The following FER variants were observed in gnomAD, a reference collection of about 807,000 sequenced individuals.
FER encodes FER tyrosine kinase, also known as tyrosine-protein kinase Fer.
Under a neutral mutation model 111.0 loss-of-function variants are expected in FER, and 63 were observed. The ratio of observed to expected loss-of-function variants is 0.57; its 90% CI spans 0.46 to 0.70. FER has a LOEUF of 0.70. Among genes scored for constraint, FER ranks in the 30% least tolerant of loss-of-function variants. FER has a pLI of 0.00. For missense variants in FER, 914 were observed against 954.0 expected, an observed-to-expected ratio of 0.96 and a Z score of 0.55; for synonymous variants, 327 against 313.9, an observed-to-expected ratio of 1.04 and a Z score of -0.44.
chr5:109,036,346 T>A (rs992088636), intron 13 of FER, among the ~76,000 whole-genome samples: 1 of 152,116 alleles, frequency 6.6e-6, no homozygotes, highest in African/African-American at 2.4e-5. Context: ...TGTTGTCCCT[T>A]TGTTGACCTA....
At chr5:108,841,755 C>G (rs577536487) in intron 5 of FER, 2 of 319,366 alleles carry the variant, frequency 6.3e-6, no homozygotes, top group Non-Finnish European at 1.2e-5. Context: ...GAGTGAGAGC[C>G]AAGTGGGAGG....
intron 9 of FER, among the ~76,000 whole-genome samples, chr5:108,894,049 A>C (rs1395464133): frequency 6.6e-6 from 1 of 150,704 alleles, no homozygotes; most frequent in South Asian, 2.1e-4. Context: ...AATGAATCAC[A>C]TGCTGCCCCT....
chr5:108,849,024 T>A (rs1049719800), intron 5 of FER, among the ~76,000 whole-genome samples: 5 of 126,088 alleles, frequency 4.0e-5, no homozygotes, highest in African/African-American at 1.8e-4. Context: ...CTAATCCTTA[T>A]CTTAGTTGCT....
intron 16 of FER, among the ~76,000 whole-genome samples, chr5:109,062,998 C>CCT (rs1774619816): frequency 6.6e-6 from 1 of 152,120 alleles, no homozygotes; most frequent in Non-Finnish European, 1.5e-5. Context: ...ATTTATCTCA[C>CCT]CTCTGTAACA....
chr5:108,904,748 A>G (rs912541477), intron 10 of FER, among the ~76,000 whole-genome samples: 81 of 152,120 alleles, frequency 5.3e-4, no homozygotes, highest in African/African-American at 1.7e-3. Flanking sequence ...TTTAGATTTT[A>G]CTGTCAAAAA....
intron 3 of FER, among the ~76,000 whole-genome samples, chr5:108,815,765 A>G (rs1020397315): frequency 2.0e-5 from 3 of 152,228 alleles, no homozygotes; most frequent in African/African-American, 7.2e-5. Context: ...AAAGTAATGA[A>G]AAATGCTTTT....
chr5:108,853,483 A>G (rs1208999365), intron 5 of FER, among the ~76,000 whole-genome samples: 2 of 152,246 alleles, frequency 1.3e-5, no homozygotes, highest in African/African-American at 2.4e-5. Context: ...TGAGAAGATG[A>G]TCATGTATTC....
At position 109,182,394 on chromosome 5, in the gene FER, T is replaced by G. The variant is rs185902575; in HGVS notation, c.2203+1493T>G. ...TCTAGTGATTGCAAGCCAGTTCCACTATTCCTTAGAATCTAGAAAAAATGG... is the reference window on the plus strand; with the variant it reads ...TCTAGTGATTGCAAGCCAGTTCCACGATTCCTTAGAATCTAGAAAAAATGG... On this transcript the variant is annotated intron_variant, in intron 18 of 19. Coordinates refer to ENST00000281092, the MANE Select transcript of FER (RefSeq NM_005246.4). Among the ~76,000 whole-genome samples the G allele has an allele frequency of 9.0e-4, 137 of 152,344 alleles. 1 individual carries two copies. The highest frequency in any genetic ancestry group is 3.0e-3 in the African/African-American group (124 of 41,586).
rs1025936594 is a variant in FER, at chr5:108,912,720, A to C, written c.1236+14872A>C. ...TGGTTGTAATCACAGACATGACGCT[A>C]TGAAAGAAGAGCAAAACAAGAAAGG... is the stretch of plus-strand genomic sequence containing the variant. On this transcript the variant is annotated intron_variant, in intron 10 of 19. Coordinates refer to ENST00000281092, the MANE Select transcript of FER (RefSeq NM_005246.4). Among the ~76,000 whole-genome samples the C allele has an allele frequency of 3.9e-5, 6 of 152,274 alleles. No homozygotes were observed. The South Asian group carries it at 1.2e-3, about 32-fold the overall frequency.
rs1038022867 is a variant in FER at position 109,101,570 on chromosome 5, T to C, written c.2048+1051T>C. On this transcript the variant is annotated intron_variant, in intron 17 of 19. Transcript: ENST00000281092. ...CAGCTTTATTCTGAAACTATAATTA[T>C]GACCTGTATTTTAAATATGGTTCAA... is the stretch of plus-strand genomic sequence containing the variant. Among the ~76,000 whole-genome samples the C allele has an allele frequency of 7.8e-4, 118 of 152,246 alleles. 2 individuals carry two copies. The highest frequency in any genetic ancestry group is 2.8e-3 in the African/African-American group (116 of 41,578).
chr5:109,066,220 G>C (rs1775073574), intron 16 of FER, among the ~76,000 whole-genome samples: 1 of 152,082 alleles, frequency 6.6e-6, no homozygotes, highest in Admixed American at 6.5e-5. Flanking sequence ...CCTGCTACCA[G>C]CAAGTGGTTG....
intron 10 of FER, among the ~76,000 whole-genome samples, chr5:108,903,023 C>G (rs911633847): frequency 6.6e-6 from 1 of 151,872 alleles, no homozygotes; most frequent in South Asian, 2.1e-4. Context: ...AATTGGACTT[C>G]GTTTTCCCTT....
intron 10 of FER, among the ~76,000 whole-genome samples, chr5:108,928,216 T>A (rs1754061823): frequency 6.6e-6 from 1 of 152,216 alleles, no homozygotes; most frequent in South Asian, 2.1e-4. Flanking sequence ...AGAATTCTAG[T>A]GCATCAATTA....
intron 17 of FER, among the ~76,000 whole-genome samples, chr5:109,147,931 G>T (rs554979378): frequency 1.3e-5 from 2 of 151,464 alleles, no homozygotes; most frequent in Non-Finnish European, 2.9e-5. Flanking sequence ...AATCACTTTC[G>T]TAACTAGAGA....
At chr5:109,175,982 AAAACAAACAAAC>A (rs142754402) in intron 17 of FER, among the ~76,000 whole-genome samples, 1 of 152,300 alleles carries the variant, frequency 6.6e-6, no homozygotes, top group South Asian at 2.1e-4. Context: ...CCATCTCCAA[AAAACAAACAAAC>A]AAACAAACAA....
At chr5:108,990,186 A>C (rs977557687) in intron 13 of FER, among the ~76,000 whole-genome samples, 2 of 151,984 alleles carry the variant, frequency 1.3e-5, no homozygotes, top group Non-Finnish European at 2.9e-5. Context: ...TTGAATTAAA[A>C]TGCTGATGAA....
At chr5:108,906,459 A>T (rs6860580) in intron 10 of FER, among the ~76,000 whole-genome samples, 28,855 of 151,990 alleles carry the variant, frequency 0.19, 2,994 homozygotes, top group Middle Eastern at 0.27. Flanking sequence ...AACATTTTTT[A>T]AAAAACTGTC....
intron 9 of FER, among the ~76,000 whole-genome samples, chr5:108,890,466 C>T (rs574310908): frequency 6.0e-4 from 92 of 152,150 alleles, no homozygotes; most frequent in African/African-American, 2.1e-3. Flanking sequence ...TGCCTGTCTC[C>T]TAGCTTCTGG....
intron 16 of FER, among the ~76,000 whole-genome samples, chr5:109,089,612 G>T (rs1280218405): frequency 6.6e-6 from 1 of 152,150 alleles, no homozygotes. Flanking sequence ...GAGAACTCCA[G>T]AAACCAGATA....
Sources: allele counts gnomAD v4.1 joint callset (sites outside exome capture counted in the v4.1 genomes callset), GRCh38; gene constraint gnomAD v4.1.1; transcripts MANE v1.5; gene names NCBI Gene and HGNC (gene_info 2026-07-23, HGNC 2026-07-21).